The following SSPN variants were observed in gnomAD, a reference collection of about 807,000 sequenced individuals.
The protein encoded by SSPN is sarcospan.
Under a neutral mutation model 19.1 loss-of-function variants are expected in SSPN, and 15 were observed. That is an observed-to-expected ratio of 0.78 (90% CI 0.52 to 1.21). The LOEUF is 1.21. SSPN is among the 50% of genes most tolerant of loss of function. The pLI is 0.00. For missense variants in SSPN, 291 were observed against 314.0 expected, an observed-to-expected ratio of 0.93 and a Z score of 0.55; for synonymous variants, 147 against 140.3, an observed-to-expected ratio of 1.05 and a Z score of -0.34.
intron 1 of SSPN, among the ~76,000 whole-genome samples, chr12:26,219,988 C>T (rs534060812): frequency 1.2e-4 from 19 of 152,236 alleles, no homozygotes; most frequent in African/African-American, 3.4e-4. Flanking sequence ...ATAGGCCTGA[C>T]GGGTCTCACT....
intron 1 of SSPN, among the ~76,000 whole-genome samples, chr12:26,148,546 GGCCGTGATT>G (rs1200508854): frequency 2.0e-5 from 3 of 152,168 alleles, no homozygotes; most frequent in Non-Finnish European, 4.4e-5. Flanking sequence ...GCTTGGAGCA[GGCCGTGATT>G]CCTCTACTTA....
chr12:26,152,833 C>G lies in SSPN; in HGVS notation c.-31+30681C>G, dbSNP rs184988375. ...AGAAGACTCAAGCTCTTACCATGCC[C>G]AGTAAGGGCCTATCTTATCTGGCTG... On this transcript the variant is annotated intron_variant, in intron 1 of 2. Coordinates refer to the SSPN transcript ENST00000538142. Among the ~76,000 whole-genome samples the G allele has an allele frequency of 1.3e-3, 192 of 152,348 alleles. 2 individuals carry two copies. The highest frequency in any genetic ancestry group is 3.7e-3 in the African/African-American group (154 of 41,578).
intron 1 of SSPN, among the ~76,000 whole-genome samples, chr12:26,172,976 A>G (rs1249008881): frequency 6.6e-6 from 1 of 152,152 alleles, no homozygotes; most frequent in Non-Finnish European, 1.5e-5. Flanking sequence ...TGAGGAGAGT[A>G]AAGACAATTT....
At chr12:26,128,077 A>G (rs1303826992) in intron 1 of SSPN, among the ~76,000 whole-genome samples, 1 of 152,254 alleles carries the variant, frequency 6.6e-6, no homozygotes, top group African/African-American at 2.4e-5. Context: ...CCAAGGTCCC[A>G]GAGCCAGGAT....
intron 1 of SSPN, chr12:26,180,274 A>G (rs1204024690): frequency 6.6e-6 from 1 of 152,236 alleles, no homozygotes; most frequent in Non-Finnish European, 1.5e-5. Context: ...TTCAAGATCT[A>G]GATCATTAGC....
At chr12:26,156,046 G>GA (rs1944553973) in intron 1 of SSPN, among the ~76,000 whole-genome samples, 1 of 152,176 alleles carries the variant, frequency 6.6e-6, no homozygotes, top group Non-Finnish European at 1.5e-5. Flanking sequence ...TGATGGTAAA[G>GA]AATCTTAGAA....
At chr12:26,161,493 C>T (rs1045838939) in intron 1 of SSPN, among the ~76,000 whole-genome samples, 1 of 152,230 alleles carries the variant, frequency 6.6e-6, no homozygotes, top group Non-Finnish European at 1.5e-5. Flanking sequence ...CACTGTACTC[C>T]TGATCCCCAT....
intron 1 of SSPN, chr12:26,122,382 G>A: frequency 1.6e-6 from 2 of 1,212,252 alleles, no homozygotes; most frequent in East Asian, 3.7e-5. Context: ...AGCCGCCGCC[G>A]GGTACAGATA....
Position 26,123,840 on chromosome 12 carries a change from T to G in SSPN, c.-31+1688T>G, listed in dbSNP as rs1944337020. On this transcript the variant is annotated intron_variant, in intron 1 of 2. Coordinates refer to the SSPN transcript ENST00000538142. Reference sequence around the variant, plus strand: ...CAGCACAGCAATTTAAGCAAACACTTTGAAAGAAGTACTGTTCTTTTACTT... The same window carrying G: ...CAGCACAGCAATTTAAGCAAACACTGTGAAAGAAGTACTGTTCTTTTACTT... 3 of 851,606 alleles carry G rather than the reference T, an allele frequency of 3.5e-6. No homozygotes were observed. In the East Asian group the frequency reaches 7.2e-5, roughly 21 times the overall value. The allele number at this position is 851,606 out of a possible 1,614,324, so 52.8% of individuals were successfully genotyped here.
intron 1 of SSPN, among the ~76,000 whole-genome samples, chr12:26,157,464 C>T (rs1944562561): frequency 6.6e-6 from 1 of 152,062 alleles, no homozygotes; most frequent in South Asian, 2.1e-4. Context: ...TAAATTGGGT[C>T]AACTCATCCT....
Position 26,160,592 on chromosome 12 carries a change from A to G in SSPN, c.-31+38440A>G, listed in dbSNP as rs74615127. On this transcript the variant is annotated intron_variant, in intron 1 of 2. Transcript: ENST00000538142. ...AATATCAATATACGTGGAGTGTGTG[A>G]ATTTTTCCTTTGTAGGATACAATTT... 5.7e-3 allele frequency among the ~76,000 whole-genome samples: 864 copies of G among 152,290 alleles called. 12 individuals are homozygous for G. The highest frequency in any genetic ancestry group is 0.02 in the African/African-American group (830 of 41,560).
At chr12:26,187,230 A>G (rs1871555) in intron 1 of SSPN, among the ~76,000 whole-genome samples, 36,363 of 152,144 alleles carry the variant, frequency 0.24, 5,361 homozygotes, top group African/African-American at 0.42. Flanking sequence ...CCAGGGCCCC[A>G]CTTACGGTCA....
intron 1 of SSPN, among the ~76,000 whole-genome samples, chr12:26,173,728 A>G (rs1013634970): frequency 6.6e-6 from 1 of 152,198 alleles, no homozygotes; most frequent in African/African-American, 2.4e-5. Context: ...TTGACAAGCC[A>G]TTGTATCTTC....
chr12:26,224,309 A>C lies in SSPN; in HGVS notation c.296A>C (p.Tyr99Ser), dbSNP rs1474582625. ...CCCTTGCAGGTCTGCTTAGTGGCCTATCTTGGCTTGTTTATGCTTTGTGTC... is the reference window on the plus strand; with the variant it reads ...CCCTTGCAGGTCTGCTTAGTGGCCTCTCTTGGCTTGTTTATGCTTTGTGTC... ...WAGIIVCLVA[Y>S]LGLFMLCVSY... The change falls in exon 2 of 3, where the codon TAT becomes TCT. Residue 99 changes from tyrosine (Y) to serine (S), a missense_variant. By Grantham distance (144) the Tyr-to-Ser change is moderately radical (BLOSUM62 -2). This residue lies in a region of SSPN where 11 missense variants were observed against 27.7 expected (regional missense o/e 0.40). Transcript: ENST00000242729. 5 of 1,614,000 alleles carry C rather than the reference A, an allele frequency of 3.1e-6. No individual in the cohort carries two copies. Among genetic ancestry groups the C allele is most frequent in the South Asian group, 1.1e-5 (1 of 91,076 alleles).
chr12:26,178,400 A>G (rs1042222050), intron 1 of SSPN, among the ~76,000 whole-genome samples: 3 of 152,166 alleles, frequency 2.0e-5, no homozygotes, highest in Non-Finnish European at 4.4e-5. Flanking sequence ...TAAAAAATAT[A>G]TATAAGTGCT....
chr12:26,212,061 C>T (rs1437719760), intron 1 of SSPN, among the ~76,000 whole-genome samples: 3 of 152,008 alleles, frequency 2.0e-5, no homozygotes, highest in Admixed American at 6.6e-5. Context: ...AGAAAATTGC[C>T]CATAAATTCT....
intron 1 of SSPN, among the ~76,000 whole-genome samples, chr12:26,216,107 T>C (rs1032816167): frequency 2.6e-5 from 4 of 152,234 alleles, no homozygotes; most frequent in Non-Finnish European, 5.9e-5. Context: ...ATATTAGTAG[T>C]AGTAGTATAT....
At chr12:26,146,486 C>T (rs1241907495) in intron 1 of SSPN, among the ~76,000 whole-genome samples, 1 of 152,138 alleles carries the variant, frequency 6.6e-6, no homozygotes, top group Non-Finnish European at 1.5e-5. Context: ...AATACAGATT[C>T]ACCTAAACTT....
chr12:26,153,348 G>T (rs903791335), intron 1 of SSPN, among the ~76,000 whole-genome samples: 1 of 152,130 alleles, frequency 6.6e-6, no homozygotes, highest in Non-Finnish European at 1.5e-5. Flanking sequence ...TTTTATTGAA[G>T]TATTATTATA....
Sources: allele counts gnomAD v4.1 joint callset (sites outside exome capture counted in the v4.1 genomes callset), GRCh38; gene constraint gnomAD v4.1.1; regional missense constraint gnomAD v4.1.1; transcripts MANE v1.5; gene names NCBI Gene and HGNC (gene_info 2026-07-23, HGNC 2026-07-21).